ADAMTSL1: variants seen among roughly 807,000 people sequenced by gnomAD.
ADAMTSL1 encodes ADAMTS like 1.
Under a neutral mutation model 201.8 loss-of-function variants are expected in ADAMTSL1, and 126 were observed. The ratio of observed to expected loss-of-function variants is 0.62; its 90% CI spans 0.54 to 0.72. The LOEUF is 0.72. Ranked by LOEUF, ADAMTSL1 falls within the 30% of genes least tolerant of loss-of-function variation. The pLI, the probability that ADAMTSL1 is intolerant of heterozygous loss-of-function variation, is 0.00. For synonymous variants in ADAMTSL1, 1,121 were observed against 903.4 expected (o/e 1.24, Z -4.32); for missense variants, 2,679 against 2,277.8 (o/e 1.18, Z -3.59).
chr9:18,029,790 G>A lies in ADAMTSL1; in HGVS notation c.87+122868G>A, dbSNP rs183079191. Among the ~76,000 whole-genome samples the A allele has an allele frequency of 7.9e-5, 12 of 152,286 alleles. No individual in the cohort carries two copies. The East Asian group carries it at 2.3e-3, about 29-fold the overall frequency. On this transcript the variant is annotated intron_variant, in intron 1 of 29. Coordinates refer to the ADAMTSL1 transcript ENST00000680146. ...GACATGTATGTAGCCAAAAACACATGAAAAAACGCTCTTCATCACTGGCCA... is the reference window on the plus strand; with the variant it reads ...GACATGTATGTAGCCAAAAACACATAAAAAAACGCTCTTCATCACTGGCCA...
At chr9:18,021,446 CT>C (rs1228181278) in intron 1 of ADAMTSL1, among the ~76,000 whole-genome samples, 1 of 152,064 alleles carries the variant, frequency 6.6e-6, no homozygotes, top group Non-Finnish European at 1.5e-5. Context: ...ATTAATTTAT[CT>C]TTTCATGTGA....
chr9:18,776,650 G>A (rs536085370), intron 18 of ADAMTSL1, 131 bp from the exon 19 acceptor site: 115 of 1,083,434 alleles, frequency 1.1e-4, no homozygotes, highest in Admixed American at 6.2e-5. Flanking sequence ...CCCGTCCTCC[G>A]GCACCTTCGT....
At chr9:18,053,651 C>T (rs1003088358) in intron 1 of ADAMTSL1, among the ~76,000 whole-genome samples, 3 of 152,136 alleles carry the variant, frequency 2.0e-5, no homozygotes, top group Non-Finnish European at 2.9e-5. Context: ...GCAGAAATCT[C>T]GAAAAGCCAC....
At chr9:18,832,545 G>C (rs1020203110) in intron 23 of ADAMTSL1, among the ~76,000 whole-genome samples, 1 of 152,200 alleles carries the variant, frequency 6.6e-6, no homozygotes, top group African/African-American at 2.4e-5. Context: ...GATAGTGGGA[G>C]AGATTTAATG....
intron 2 of ADAMTSL1, among the ~76,000 whole-genome samples, chr9:18,524,792 C>A (rs999810025): frequency 6.6e-6 from 1 of 152,098 alleles, no homozygotes; most frequent in Admixed American, 6.6e-5. Context: ...GGATGAAGCC[C>A]ACTTGATCAT....
chr9:18,573,891 GAT>G (rs1822511846), intron 3 of ADAMTSL1, 137 bp from the exon 4 acceptor site: 2 of 655,302 alleles, frequency 3.1e-6, no homozygotes, highest in African/African-American at 3.6e-5. Flanking sequence ...CCTCTAAGAT[GAT>G]ATTATAAGTT....
At chr9:18,683,475 G>A (rs1329016382) in intron 12 of ADAMTSL1, among the ~76,000 whole-genome samples, 8 of 151,402 alleles carry the variant, frequency 5.3e-5, no homozygotes, top group Non-Finnish European at 1.0e-4. Context: ...TCAGGTAATC[G>A]CCTCGGCCTC....
intron 1 of ADAMTSL1, among the ~76,000 whole-genome samples, chr9:18,486,281 A>T (rs1821989782): frequency 6.6e-6 from 1 of 152,236 alleles, no homozygotes; most frequent in African/African-American, 2.4e-5. Context: ...CTAAAAAGTT[A>T]AGAACTTTCT....
At chr9:18,477,565 C>A (rs1208208052) in intron 1 of ADAMTSL1, among the ~76,000 whole-genome samples, 1 of 152,204 alleles carries the variant, frequency 6.6e-6, no homozygotes, top group Non-Finnish European at 1.5e-5. Context: ...GTTCCAGCAG[C>A]ATGTATGTCA....
At chr9:18,593,143 A>G (rs1193861701) in intron 4 of ADAMTSL1, among the ~76,000 whole-genome samples, 1 of 152,124 alleles carries the variant, frequency 6.6e-6, no homozygotes, top group Non-Finnish European at 1.5e-5. Flanking sequence ...TCCAAATATA[A>G]GATTATATAA....
At chr9:18,317,085 A>T (rs1042464034) in intron 2 of ADAMTSL1, among the ~76,000 whole-genome samples, 1 of 152,200 alleles carries the variant, frequency 6.6e-6, no homozygotes. Context: ...GAAAATGTGG[A>T]TGAACCTGGA....
At chr9:18,508,986 C>T (rs893131302) in intron 2 of ADAMTSL1, among the ~76,000 whole-genome samples, 1 of 96,204 alleles carries the variant, frequency 1.0e-5, no homozygotes, top group South Asian at 2.7e-4. Flanking sequence ...AGATCGAGAC[C>T]ATCCTGGCTA....
intron 2 of ADAMTSL1, among the ~76,000 whole-genome samples, chr9:18,186,882 T>C (rs1828760673): frequency 6.6e-6 from 1 of 150,896 alleles, no homozygotes; most frequent in South Asian, 2.1e-4. Flanking sequence ...CACACAAACG[T>C]GAACATATAT....
chr9:18,150,297 C>A (rs78385573), intron 1 of ADAMTSL1, among the ~76,000 whole-genome samples: 6 of 151,940 alleles, frequency 3.9e-5, no homozygotes, highest in Middle Eastern at 3.4e-3. Context: ...ATGGGGAAGA[C>A]GGAAGACAGT....
intron 22 of ADAMTSL1, among the ~76,000 whole-genome samples, chr9:18,827,774 C>G (rs1368047995): frequency 1.3e-5 from 2 of 152,108 alleles, no homozygotes; most frequent in Non-Finnish European, 2.9e-5. Context: ...AACTCTAATA[C>G]AGTGTAGCAG....
intron 3 of ADAMTSL1, among the ~76,000 whole-genome samples, chr9:18,535,659 A>C (rs1305917513): frequency 2.0e-5 from 3 of 152,198 alleles, no homozygotes; most frequent in Non-Finnish European, 4.4e-5. Context: ...AAGAGATTTA[A>C]TTGACTCACA....
chr9:18,450,589 T>C (rs1354397369), intron 2 of ADAMTSL1, among the ~76,000 whole-genome samples: 1 of 151,516 alleles, frequency 6.6e-6, no homozygotes, highest in Non-Finnish European at 1.5e-5. Flanking sequence ...ATATATATTA[T>C]GTATACATAT....
At chr9:18,324,073 A>G (rs1165331544) in intron 2 of ADAMTSL1, among the ~76,000 whole-genome samples, 1 of 152,238 alleles carries the variant, frequency 6.6e-6, no homozygotes, top group Admixed American at 6.5e-5. Flanking sequence ...ACCTGATTTC[A>G]AAACTTAAGG....
intron 1 of ADAMTSL1, among the ~76,000 whole-genome samples, chr9:17,965,314 A>G (rs1817941289): frequency 6.6e-6 from 1 of 152,154 alleles, no homozygotes; most frequent in Non-Finnish European, 1.5e-5. Flanking sequence ...ATATGATACA[A>G]CCCAAATTTA....
Sources: gnomAD v4.1 joint callset for allele counts (sites outside exome capture counted in the v4.1 genomes callset) on GRCh38, gnomAD v4.1.1 for gene constraint, MANE v1.5 for transcripts, NCBI Gene and HGNC (gene_info 2026-07-23, HGNC 2026-07-21) for gene names.